The following KCNJ15 variants were observed in gnomAD, a reference collection of about 807,000 sequenced individuals.
KCNJ15 encodes the protein ATP-sensitive inward rectifier potassium channel 15.
In KCNJ15, 14 loss-of-function variants were observed where a neutral mutation model predicts 23.0. The ratio of observed to expected loss-of-function variants is 0.61; its 90% CI spans 0.40 to 0.95. KCNJ15 has a LOEUF of 0.95. Ranked by LOEUF, KCNJ15 falls within the 40% of genes least tolerant of loss-of-function variation. The pLI is 0.00. For synonymous variants in KCNJ15, 185 were observed against 183.2 expected (o/e 1.01, Z -0.08); for missense variants, 388 against 461.8 (o/e 0.84, Z 1.46).
At chr21:38,278,821 C>G (rs1983012270) in intron 1 of KCNJ15, among the ~76,000 whole-genome samples, 1 of 152,172 alleles carries the variant, frequency 6.6e-6, no homozygotes, top group Admixed American at 6.5e-5. Flanking sequence ...GTGGCTGGCA[C>G]TAAGGCAGGT....
rs115544791 is a variant in KCNJ15 at position 38,300,616 on chromosome 21, A to C, written c.*227A>C. On this transcript the variant is annotated 3_prime_UTR_variant, in exon 3 of 3. Transcript: ENST00000398938. ...CTGAAAGTGAACTCTCATAATTCAA[A>C]TTGTATAAAATAAAGCTACATTTCT... 2.0e-6 allele frequency: 1 copy of C among 495,252 alleles called. No homozygotes were observed. The highest frequency in any genetic ancestry group is 3.8e-5 in the Admixed American group (1 of 26,052). 30.7% of individuals were successfully genotyped at this position (495,252 alleles called of 1,614,324 possible).
chr21:38,257,290 T>A (rs1166722900), intron 1 of KCNJ15, 105 bp downstream of exon 1: 1 of 152,226 alleles, frequency 6.6e-6, no homozygotes, highest in Non-Finnish European at 1.5e-5. Context: ...GTGATTCTTT[T>A]AAAGCTTATT....
At chr21:38,230,145 T>C (rs7283194) in intron 1 of KCNJ15, among the ~76,000 whole-genome samples, 1 of 152,104 alleles carries the variant, frequency 6.6e-6, no homozygotes, top group Non-Finnish European at 1.5e-5. Context: ...TTACCACCCA[T>C]AACGTTTGAA....
Position 38,300,814 on chromosome 21 carries a change from G to C in KCNJ15, c.*425G>C, listed in dbSNP as rs1348878840. ...GTTGAATTGTGGTTCAGTATTCATT[G>C]ATCTCACTGCTTTAAAACATGCTCT... On this transcript the variant is annotated 3_prime_UTR_variant, in exon 3 of 3. Coordinates refer to ENST00000398938, the MANE Select transcript of KCNJ15 (RefSeq NM_170736.3). 5.8e-6 allele frequency: 1 copy of C among 171,394 alleles called. No individual in the cohort carries two copies. Among genetic ancestry groups the C allele is most frequent in the Non-Finnish European group, 1.4e-5 (1 of 71,474 alleles). The allele number at this position is 171,394 out of a possible 1,614,324, so 10.6% of individuals were successfully genotyped here. A position where few individuals can be genotyped will look rare whatever the true frequency, so the allele number is the denominator to read the frequency against.
At chr21:38,283,108 T>C (rs559419237) in intron 1 of KCNJ15, among the ~76,000 whole-genome samples, 1 of 151,934 alleles carries the variant, frequency 6.6e-6, no homozygotes, top group South Asian at 2.1e-4. Flanking sequence ...GACTGAAAAC[T>C]AGGTTCTTGG....
At chr21:38,230,083 ACT>A (rs1383253660) in intron 1 of KCNJ15, among the ~76,000 whole-genome samples, 3 of 151,144 alleles carry the variant, frequency 2.0e-5, no homozygotes, top group Admixed American at 6.6e-5. Flanking sequence ...TCATATAATA[ACT>A]CTGTATTTAA....
chr21:38,269,966 C>A (rs529149621), intron 1 of KCNJ15, among the ~76,000 whole-genome samples: 1 of 152,114 alleles, frequency 6.6e-6, no homozygotes, highest in Non-Finnish European at 1.5e-5. Flanking sequence ...TTCTTCCCAC[C>A]GCTCCCCAGC....
chr21:38,245,912 G>T (rs1979344830), intron 1 of KCNJ15, among the ~76,000 whole-genome samples: 1 of 152,178 alleles, frequency 6.6e-6, no homozygotes, highest in African/African-American at 2.4e-5. Flanking sequence ...CCAGTACAGT[G>T]ATTCAAGGTG....
intron 1 of KCNJ15, among the ~76,000 whole-genome samples, chr21:38,281,945 T>G (rs1245279621): frequency 6.6e-6 from 1 of 152,188 alleles, no homozygotes; most frequent in Non-Finnish European, 1.5e-5. Context: ...TTTTGACTTT[T>G]TAGTAATAGC....
intron 1 of KCNJ15, among the ~76,000 whole-genome samples, chr21:38,239,225 T>C (rs1029858338): frequency 6.6e-6 from 1 of 152,248 alleles, no homozygotes; most frequent in Admixed American, 6.5e-5. Flanking sequence ...CAGAAATCTC[T>C]TTGATTTGAC....
chr21:38,298,181 A>T (rs1985363808), intron 2 of KCNJ15: 1 of 152,232 alleles, frequency 6.6e-6, no homozygotes, highest in African/African-American at 2.4e-5. Context: ...TCAGGCAGGT[A>T]CTAGAAGATG....
chr21:38,246,935 G>A (rs1377786912), intron 1 of KCNJ15, among the ~76,000 whole-genome samples: 2 of 152,196 alleles, frequency 1.3e-5, no homozygotes, highest in Admixed American at 1.3e-4. Context: ...AAGTTACACT[G>A]AGCTTGAATT....
intron 1 of KCNJ15, among the ~76,000 whole-genome samples, chr21:38,232,672 T>G (rs1978351881): frequency 2.0e-5 from 3 of 151,948 alleles, no homozygotes; most frequent in Admixed American, 6.5e-5. Context: ...CTCAAAGGAT[T>G]TCTGAATTTC....
intron 2 of KCNJ15, among the ~76,000 whole-genome samples, chr21:38,298,603 G>A (rs569071118): frequency 2.5e-3 from 377 of 152,262 alleles, no homozygotes; most frequent in African/African-American, 8.6e-3. Flanking sequence ...GGGGGAAAAC[G>A]AATTGCTATT....
chr21:38,261,656 A>G (rs1306962987), intron 1 of KCNJ15, among the ~76,000 whole-genome samples: 12 of 152,208 alleles, frequency 7.9e-5, no homozygotes, highest in Non-Finnish European at 1.8e-4. Flanking sequence ...CCTTTAGGTC[A>G]TATCTCAGCT....
chr21:38,296,148 A>G (rs1985129579), intron 1 of KCNJ15, among the ~76,000 whole-genome samples: 1 of 152,236 alleles, frequency 6.6e-6, no homozygotes, highest in Non-Finnish European at 1.5e-5. Flanking sequence ...TCAATAATTG[A>G]CAGATGATAG....
At chr21:38,253,606 G>A (rs1378942667), upstream of KCNJ15, among the ~76,000 whole-genome samples, 1 of 152,100 alleles carries the variant, frequency 6.6e-6, no homozygotes, top group Non-Finnish European at 1.5e-5. Context: ...TTATTCCAAG[G>A]TAAAAATATT....
At chr21:38,290,470 T>A (rs924796291) in intron 1 of KCNJ15, among the ~76,000 whole-genome samples, 3 of 152,208 alleles carry the variant, frequency 2.0e-5, no homozygotes, top group African/African-American at 7.2e-5. Flanking sequence ...TCACATGCAA[T>A]GCAAATGTGG....
chr21:38,282,952 T>C (rs931871052), intron 1 of KCNJ15, among the ~76,000 whole-genome samples: 2 of 151,954 alleles, frequency 1.3e-5, no homozygotes, highest in African/African-American at 2.4e-5. Flanking sequence ...TGCGTAGGAG[T>C]TTACCAGGCA....
Sources: allele counts gnomAD v4.1 joint callset (sites outside exome capture counted in the v4.1 genomes callset), GRCh38; gene constraint gnomAD v4.1.1; transcripts MANE v1.5; gene names NCBI Gene and HGNC (gene_info 2026-07-23, HGNC 2026-07-21).